The following SULT4A1 variants were observed in gnomAD, a reference collection of about 807,000 sequenced individuals.
SULT4A1 encodes the protein sulfotransferase 4A1.
Under a neutral mutation model 35.2 loss-of-function variants are expected in SULT4A1, and 11 were observed. The ratio of observed to expected loss-of-function variants is 0.31; its 90% CI spans 0.20 to 0.52. SULT4A1 has a LOEUF of 0.52. SULT4A1 is among the 20% of genes least tolerant of loss of function. SULT4A1 has a pLI of 0.97. For missense variants in SULT4A1, 271 were observed against 383.7 expected (o/e 0.71, Z 2.45); for synonymous variants, 152 against 151.8 (o/e 1.00, Z -0.01).
intron 1 of SULT4A1, among the ~76,000 whole-genome samples, chr22:43,845,059 T>A (rs2063464609): frequency 6.6e-6 from 1 of 152,164 alleles, no homozygotes; most frequent in African/African-American, 2.4e-5. Flanking sequence ...CAGCCTCTAT[T>A]CCCAGGCCCA....
At chr22:43,833,443 C>A (rs1244770351) in intron 5 of SULT4A1, among the ~76,000 whole-genome samples, 197 bp downstream of exon 5, 1 of 151,972 alleles carries the variant, frequency 6.6e-6, no homozygotes, top group African/African-American at 2.4e-5. Flanking sequence ...GCTGCCCTGC[C>A]ACACCTCAGG....
intron 4 of SULT4A1, among the ~76,000 whole-genome samples, chr22:43,835,364 T>C (rs958726697): frequency 3.3e-5 from 5 of 152,140 alleles, no homozygotes; most frequent in African/African-American, 1.2e-4. Context: ...AAGGCGTCAG[T>C]TAAGGATCAC....
chr22:43,838,724 C>A (rs1286112270), intron 4 of SULT4A1, 143 bp downstream of exon 4: 2 of 1,108,492 alleles, frequency 1.8e-6, no homozygotes, highest in Non-Finnish European at 2.6e-6. Flanking sequence ...TCAGTGTCTT[C>A]ATCTGTAAAG....
chr22:43,845,255 G>A (rs2063466451), intron 1 of SULT4A1, among the ~76,000 whole-genome samples: 1 of 152,114 alleles, frequency 6.6e-6, no homozygotes, highest in South Asian at 2.1e-4. Context: ...CCTGCCCCCA[G>A]GCCAAACCCA....
chr22:43,842,004 A>G, intron 1 of SULT4A1, 72 bp from the exon 2 acceptor site: 2 of 1,544,122 alleles, frequency 1.3e-6, no homozygotes, highest in Non-Finnish European at 1.7e-6. Flanking sequence ...TCGGGTCAAC[A>G]CCTGCTGCCC....
intron 5 of SULT4A1, among the ~76,000 whole-genome samples, chr22:43,830,327 A>G (rs2063316476): frequency 6.6e-6 from 1 of 152,256 alleles, no homozygotes; most frequent in East Asian, 1.9e-4. Context: ...CAGCTGGCTT[A>G]AAGTCAGCCT....
intron 1 of SULT4A1, among the ~76,000 whole-genome samples, chr22:43,845,058 T>C (rs2063464581): frequency 6.6e-6 from 1 of 152,158 alleles, no homozygotes; most frequent in African/African-American, 2.4e-5. Context: ...CCAGCCTCTA[T>C]TCCCAGGCCC....
intron 1 of SULT4A1, among the ~76,000 whole-genome samples, chr22:43,847,807 G>A (rs1410830928): frequency 2.0e-5 from 3 of 152,244 alleles, no homozygotes; most frequent in Non-Finnish European, 2.9e-5. Flanking sequence ...GTGCCTGGCT[G>A]GGGCAAGCCC....
At chr22:43,835,813 C>G (rs2063366411) in intron 4 of SULT4A1, among the ~76,000 whole-genome samples, 1 of 152,180 alleles carries the variant, frequency 6.6e-6, no homozygotes, top group Admixed American at 6.5e-5. Flanking sequence ...TGTGAGGACT[C>G]TGGAAGGAGC....
chr22:43,854,402 G>C (rs778904725), intron 1 of SULT4A1, among the ~76,000 whole-genome samples: 6 of 152,228 alleles, frequency 3.9e-5, no homozygotes, highest in Non-Finnish European at 8.8e-5. Context: ...GCCCGAAGCA[G>C]GGATCTAGTC....
At chr22:43,826,287 C>T (rs2063286263) in intron 6 of SULT4A1, 174 bp from the exon 7 acceptor site, 1 of 985,316 alleles carries the variant, frequency 1.0e-6, no homozygotes, top group Non-Finnish European at 1.2e-6. Context: ...GGTCCCCTAA[C>T]ATTTGTGAAA....
chr22:43,857,500 A>G (rs2049415894), intron 1 of SULT4A1, among the ~76,000 whole-genome samples: 1 of 152,202 alleles, frequency 6.6e-6, no homozygotes, highest in Non-Finnish European at 1.5e-5. Flanking sequence ...AAAGGAAGAA[A>G]GAATGAGGTA....
At chr22:43,832,969 C>CT (rs2063335407) in intron 5 of SULT4A1, among the ~76,000 whole-genome samples, 1 of 152,154 alleles carries the variant, frequency 6.6e-6, no homozygotes, top group Admixed American at 6.5e-5. Flanking sequence ...ACAGGCTGGC[C>CT]TTGTCTGTCC....
chr22:43,847,873 G>A (rs1023529805), intron 1 of SULT4A1, among the ~76,000 whole-genome samples: 1 of 152,236 alleles, frequency 6.6e-6, no homozygotes, highest in Non-Finnish European at 1.5e-5. Context: ...GGTGCTGCTG[G>A]AGATCACCCA....
chr22:43,848,947 T>C (rs909169401), intron 1 of SULT4A1, among the ~76,000 whole-genome samples: 3 of 152,240 alleles, frequency 2.0e-5, no homozygotes, highest in Non-Finnish European at 4.4e-5. Flanking sequence ...GCAAGTCGGC[T>C]GGAAGCAGTA....
At chr22:43,849,386 T>A (rs1047125721) in intron 1 of SULT4A1, among the ~76,000 whole-genome samples, 1 of 152,062 alleles carries the variant, frequency 6.6e-6, no homozygotes, top group Non-Finnish European at 1.5e-5. Flanking sequence ...ACAGCTTACA[T>A]CCCCGTTTTC....
intron 1 of SULT4A1, among the ~76,000 whole-genome samples, chr22:43,851,557 T>A (rs2049342382): frequency 6.6e-6 from 1 of 152,052 alleles, no homozygotes; most frequent in African/African-American, 2.4e-5. Flanking sequence ...GTCACTTCGG[T>A]GGGAGGTACA....
intron 6 of SULT4A1, chr22:43,826,473 G>A: frequency 1.0e-6 from 1 of 985,348 alleles, no homozygotes; most frequent in African/African-American, 1.7e-5. Context: ...CACGTGGCAG[G>A]TGTTTAATAA....
At chr22:43,840,287 C>G (rs966857411) in intron 2 of SULT4A1, among the ~76,000 whole-genome samples, 3 of 149,016 alleles carry the variant, frequency 2.0e-5, no homozygotes, top group Non-Finnish European at 1.5e-5. Flanking sequence ...CAGGGGAGAA[C>G]GGTAGGGGTC....
Sources: allele counts gnomAD v4.1 joint callset (sites outside exome capture counted in the v4.1 genomes callset), GRCh38; gene constraint gnomAD v4.1.1; transcripts MANE v1.5; gene names NCBI Gene and HGNC (gene_info 2026-07-23, HGNC 2026-07-21).